ZNF782: variants seen among roughly 807,000 people sequenced by gnomAD.
ZNF782 encodes zinc finger protein 782.
In ZNF782, 12 loss-of-function variants were observed where a neutral mutation model predicts 13.0. The observed-to-expected ratio is 0.92, with a 90% confidence interval of 0.59 to 1.50. The LOEUF is 1.50. Among genes scored for constraint, ZNF782 ranks in the 40% most tolerant of loss-of-function variants. ZNF782 has a pLI of 0.00. For missense variants in ZNF782, 770 were observed against 822.9 expected, an observed-to-expected ratio of 0.94 and a Z score of 0.79; for synonymous variants, 284 against 283.0, an observed-to-expected ratio of 1.00 and a Z score of -0.04.
chr9:96,907,379 C>T, the ZNF782 span, among the ~76,000 whole-genome samples: 1 of 133,108 alleles, frequency 7.5e-6, no homozygotes, highest in Non-Finnish European at 1.6e-5. Context: ...TAACGGAAAT[C>T]GAGTTTGTTT....
At chr9:96,842,897 A>C (rs7856667) in intron 4 of ZNF782, among the ~76,000 whole-genome samples, 20,137 of 152,130 alleles carry the variant, frequency 0.13, 3,239 homozygotes, top group African/African-American at 0.38. Context: ...AGCCATGAAC[A>C]GACATTTTAC....
At position 96,844,924 on chromosome 9, in the gene ZNF782, C is replaced by G. The variant is rs758791941; in HGVS notation, c.108G>C (p.Val36=). ...CGAGGTGGCTGTAGTTCTCCAGCATCACATCTCTGTACAGGGTCCTCTCAA... is the reference window on the plus strand; with the variant it reads ...CGAGGTGGCTGTAGTTCTCCAGCATGACATCTCTGTACAGGGTCCTCTCAA... ...GPVERTLYRD[V]MLENYSHLVS... The change falls in exon 4 of 6, where the codon GTG becomes GTC. Residue 36 remains valine (V), a synonymous_variant. Coordinates refer to ENST00000481138, the MANE Select transcript of ZNF782 (RefSeq NM_001001662.3). 6.2e-7 allele frequency: 1 copy of G among 1,614,020 alleles called. No individual in the cohort carries two copies. Among genetic ancestry groups the G allele is most frequent in the South Asian group, 1.1e-5 (1 of 91,070 alleles).
chr9:96,831,791 T>A (rs1850810779), intron 4 of ZNF782, among the ~76,000 whole-genome samples: 1 of 152,164 alleles, frequency 6.6e-6, no homozygotes, highest in Non-Finnish European at 1.5e-5. Context: ...TTCTGTGCTC[T>A]GAAGTCTGTT....
At position 96,818,106 on chromosome 9, in the gene ZNF782, A is replaced by G. The variant is rs1365140122; in HGVS notation, c.1917T>C (p.Thr639=). ...AATTATATGGTTTCTCCCCGGTGTG[A>G]GTTCGCTGATGTTTTCTTAGGACTG... ...EKSVLRKHQR[T]HTGEKPYNCN... Residue 639 remains threonine (T), a synonymous_variant, in exon 6 of 6, where the codon ACT becomes ACC. Transcript: ENST00000481138. 1.2e-6 allele frequency: 2 copies of G among 1,613,390 alleles called. No individual in the cohort carries two copies. The highest frequency in any genetic ancestry group is 1.7e-6 in the Non-Finnish European group (2 of 1,179,894).
chr9:96,849,908 T>G (rs1325097335), intron 3 of ZNF782, among the ~76,000 whole-genome samples: 1 of 151,408 alleles, frequency 6.6e-6, no homozygotes, highest in Non-Finnish European at 1.5e-5. Flanking sequence ...GAAAAAAAAA[T>G]GCTCAACATC....
upstream of ZNF782, among the ~76,000 whole-genome samples, chr9:96,879,685 A>G (rs1261789473): frequency 6.6e-6 from 1 of 152,230 alleles, no homozygotes; most frequent in Non-Finnish European, 1.5e-5. Context: ...GACCATCCCA[A>G]CAAGAGCTAT....
chr9:96,823,794 T>A (rs936140529), intron 5 of ZNF782, among the ~76,000 whole-genome samples: 2 of 152,238 alleles, frequency 1.3e-5, no homozygotes, highest in Admixed American at 1.3e-4. Flanking sequence ...TTAACATTAG[T>A]TGATATGGCA....
the ZNF782 span, among the ~76,000 whole-genome samples, chr9:96,883,472 G>T: frequency 6.6e-6 from 1 of 152,064 alleles, no homozygotes; most frequent in African/African-American, 2.4e-5. Flanking sequence ...CTAGTGGAAT[G>T]AAAATCAAGC....
At chr9:96,912,961 T>TA in the ZNF782 span, among the ~76,000 whole-genome samples, 1 of 151,854 alleles carries the variant, frequency 6.6e-6, no homozygotes, top group Non-Finnish European at 1.5e-5. Context: ...ATAGTTGCAA[T>TA]ATACCAGAGA....
At chr9:96,886,987 A>C in the ZNF782 span, among the ~76,000 whole-genome samples, 3 of 151,568 alleles carry the variant, frequency 2.0e-5, no homozygotes, top group African/African-American at 7.3e-5. Flanking sequence ...AATAACCCAC[A>C]GAGAGGGAAG....
At chr9:96,837,019 T>A (rs1851024722) in intron 4 of ZNF782, among the ~76,000 whole-genome samples, 1 of 152,254 alleles carries the variant, frequency 6.6e-6, no homozygotes, top group South Asian at 2.1e-4. Flanking sequence ...GAAACAAACT[T>A]TTCTTTATAA....
chr9:96,818,968 G>A lies in ZNF782; in HGVS notation c.1055C>T (p.Thr352Ile). 6.2e-7 allele frequency: 1 copy of A among 1,614,196 alleles called. No individual in the cohort carries two copies. Among genetic ancestry groups the A allele is most frequent in the Non-Finnish European group, 8.5e-7 (1 of 1,180,022 alleles). Residue 352 changes from threonine to isoleucine, a missense_variant, in exon 6 of 6, where the codon ACT (threonine) becomes ATT (isoleucine). Coordinates refer to ENST00000481138, the MANE Select transcript of ZNF782 (RefSeq NM_001001662.3). ...PCTETFSYQS[T>I]FSVHQKVHIR... Reference sequence around the variant, plus strand: ...GTGAACCTTCTGATGTACACTGAAAGTTGACTGGTAGCTGAATGTCTCTGT... The same window carrying A: ...GTGAACCTTCTGATGTACACTGAAAATTGACTGGTAGCTGAATGTCTCTGT...
chr9:96,927,793 A>G, the ZNF782 span, among the ~76,000 whole-genome samples: 1 of 149,884 alleles, frequency 6.7e-6, no homozygotes, highest in Non-Finnish European at 1.5e-5. Context: ...CATACTTGCT[A>G]AATCTGGCCA....
intron 4 of ZNF782, among the ~76,000 whole-genome samples, chr9:96,838,418 A>C (rs1851072033): frequency 1.3e-5 from 2 of 152,184 alleles, no homozygotes; most frequent in South Asian, 4.1e-4. Flanking sequence ...TATCCTCAGC[A>C]ATTTTCTGCC....
intron 1 of ZNF782, among the ~76,000 whole-genome samples, chr9:96,865,414 CTG>C (rs1851745337): frequency 6.6e-6 from 1 of 152,228 alleles, no homozygotes; most frequent in African/African-American, 2.4e-5. Flanking sequence ...ACAAGCTCGT[CTG>C]TTTGCCTGCT....
At chr9:96,879,005 G>C (rs1453804127), upstream of ZNF782, among the ~76,000 whole-genome samples, 3 of 152,134 alleles carry the variant, frequency 2.0e-5, no homozygotes, top group African/African-American at 7.2e-5. Flanking sequence ...TTTAAAAAAA[G>C]AAAAACACAA....
chr9:96,858,197 A>C (rs1195512983), upstream of ZNF782, among the ~76,000 whole-genome samples: 1 of 152,098 alleles, frequency 6.6e-6, no homozygotes, highest in African/African-American at 2.4e-5. This position sits in a 1 kb window ranked among gnomAD's most constrained non-coding sequence, Gnocchi z 4.4. Context: ...TTTTATAGAA[A>C]CCTTGACATA....
the ZNF782 span, chr9:96,888,086 T>TGCAGC: frequency 6.7e-6 from 1 of 150,268 alleles, no homozygotes; most frequent in Non-Finnish European, 1.5e-5. Flanking sequence ...AGTTACTGGG[T>TGCAGC]GCAGCACACC....
upstream of ZNF782, among the ~76,000 whole-genome samples, chr9:96,878,506 T>C (rs1327162528): frequency 6.6e-6 from 1 of 152,254 alleles, no homozygotes; most frequent in East Asian, 1.9e-4. Flanking sequence ...CACTGATGCC[T>C]AACTCTGCAC....
Sources: allele counts gnomAD v4.1 joint callset (sites outside exome capture counted in the v4.1 genomes callset), GRCh38; gene constraint gnomAD v4.1.1; non-coding constraint Gnocchi (gnomAD v3.1); transcripts MANE v1.5; gene names NCBI Gene and HGNC (gene_info 2026-07-23, HGNC 2026-07-21).